The following ST6GAL2 variants were observed in gnomAD, a reference collection of about 807,000 sequenced individuals.
ST6GAL2 encodes ST6 beta-galactoside alpha-2,6-sialyltransferase 2, also known as beta-galactoside alpha-2,6-sialyltransferase 2.
In ST6GAL2, 24 loss-of-function variants were observed where a neutral mutation model predicts 37.5. The ratio of observed to expected loss-of-function variants is 0.64; its 90% CI spans 0.46 to 0.90. The LOEUF (loss-of-function observed/expected upper bound fraction) is 0.90. Ranked by LOEUF, ST6GAL2 falls within the 40% of genes least tolerant of loss-of-function variation. The pLI, the probability that ST6GAL2 is intolerant of heterozygous loss-of-function variation, is 0.00. For missense variants in ST6GAL2, 715 were observed against 712.7 expected, an observed-to-expected ratio of 1.00 and a Z score of -0.04; for synonymous variants, 306 against 295.1, an observed-to-expected ratio of 1.04 and a Z score of -0.38.
At chr2:106,813,800 C>G (rs1304706795) in intron 5 of ST6GAL2, among the ~76,000 whole-genome samples, 1 of 152,158 alleles carries the variant, frequency 6.6e-6, no homozygotes, top group Non-Finnish European at 1.5e-5. Flanking sequence ...GAACATAACT[C>G]ACACATGAAG....
At chr2:106,823,987 A>G (rs1226565249) in intron 5 of ST6GAL2, among the ~76,000 whole-genome samples, 1 of 152,176 alleles carries the variant, frequency 6.6e-6, no homozygotes, top group Non-Finnish European at 1.5e-5. Flanking sequence ...TAGAATTTCA[A>G]CATACAAATT....
intron 1 of ST6GAL2, among the ~76,000 whole-genome samples, chr2:106,868,630 CAG>C (rs1377287650): frequency 1.3e-5 from 2 of 152,182 alleles, no homozygotes; most frequent in African/African-American, 4.8e-5. Flanking sequence ...CTGCCGTTAT[CAG>C]AGACAGAGAT....
chr2:106,872,797 T>G (rs1207374331), intron 1 of ST6GAL2, among the ~76,000 whole-genome samples: 1 of 152,086 alleles, frequency 6.6e-6, no homozygotes, highest in Admixed American at 6.5e-5. Context: ...GAGACAAGGT[T>G]CCTTTTGTTT....
chr2:106,833,133 T>C (rs551347652), intron 3 of ST6GAL2, among the ~76,000 whole-genome samples: 1 of 152,218 alleles, frequency 6.6e-6, no homozygotes, highest in Admixed American at 6.5e-5. Context: ...ATCATCTTTT[T>C]AAAATTATTA....
At chr2:106,807,713 T>A (rs1675469128) in intron 5 of ST6GAL2, among the ~76,000 whole-genome samples, 1 of 148,432 alleles carries the variant, frequency 6.7e-6, no homozygotes, top group Non-Finnish European at 1.5e-5. Flanking sequence ...AAGCTCCCCC[T>A]TCCCCGATTC....
chr2:106,864,826 TGC>T (rs796771682), intron 1 of ST6GAL2, among the ~76,000 whole-genome samples: 28 of 152,350 alleles, frequency 1.8e-4, no homozygotes, highest in African/African-American at 6.3e-4. Flanking sequence ...TCTAATAGTC[TGC>T]AATAGCCACA....
At chr2:106,870,281 A>C (rs1282960076) in intron 1 of ST6GAL2, among the ~76,000 whole-genome samples, 2 of 152,296 alleles carry the variant, frequency 1.3e-5, no homozygotes, top group East Asian at 3.9e-4. Context: ...AAAATGAATA[A>C]AGATAGTTAT....
chr2:106,862,993 T>C (rs2104587138), intron 1 of ST6GAL2, among the ~76,000 whole-genome samples: 1 of 152,332 alleles, frequency 6.6e-6, no homozygotes, highest in Admixed American at 6.5e-5. Context: ...AATGTCTTTT[T>C]TTTTTTTCTA....
At position 106,830,165 on chromosome 2, in the gene ST6GAL2, A is replaced by G; in HGVS notation, c.1219T>C (p.Tyr407His). 1 of 1,614,008 alleles carries G rather than the reference A, an allele frequency of 6.2e-7. No individual in the cohort carries two copies. Among genetic ancestry groups the G allele is most frequent in the Non-Finnish European group, 8.5e-7 (1 of 1,179,960 alleles). ...CATATAAATTTAGGATGAAGAATGT[A>G]AAATGGCTGATTTGGGTTTCTCTGA... Reference protein sequence around the residue: ...HRQRNPNQPFYILHPKFIWQL... With the variant: ...HRQRNPNQPFHILHPKFIWQL... Residue 407 changes from tyrosine (Y) to histidine (H), a missense_variant, in exon 5 of 6, where the codon TAC becomes CAC. Around this residue, in one of 3 missense-constraint regions of ST6GAL2, gnomAD observed 198 missense variants for 203.6 expected, o/e 0.97. Transcript: ENST00000409382.
At chr2:106,879,859 A>C (rs1678674257) in intron 1 of ST6GAL2, among the ~76,000 whole-genome samples, 1 of 147,912 alleles carries the variant, frequency 6.8e-6, no homozygotes, top group African/African-American at 2.5e-5. Flanking sequence ...ATAAACTATA[A>C]TATATACATT....
At chr2:106,820,495 G>C (rs1031773842) in intron 5 of ST6GAL2, among the ~76,000 whole-genome samples, 10 of 152,020 alleles carry the variant, frequency 6.6e-5, no homozygotes, top group African/African-American at 1.9e-4. Flanking sequence ...AATATTACTA[G>C]AGCTAAAGAG....
chr2:106,806,449 T>C lies in ST6GAL2; in HGVS notation c.*229A>G. On this transcript the variant is annotated 3_prime_UTR_variant, in exon 6 of 6. Transcript: ENST00000409382. ...ACATGTGTTTTCTTTCTAGCTATCC[T>C]TGGTTTTGCATCTTTCTTGAGCCTT... 1.9e-6 allele frequency: 1 copy of C among 519,686 alleles called. No individual in the cohort carries two copies. The highest frequency in any genetic ancestry group is 3.4e-6 in the Non-Finnish European group (1 of 296,112). The allele number at this position is 519,686 out of a possible 1,614,324, so 32.2% of individuals were successfully genotyped here. A position where few individuals can be genotyped will look rare whatever the true frequency, so the allele number is the denominator to read the frequency against.
chr2:106,843,454 T>G lies in ST6GAL2; in HGVS notation c.524A>C (p.Lys175Thr). ...GCTCCTTCTCTGCCTCCGGTGCCTCTTCTTCACCCGCCTCCTCTGGACCTG... is the reference window on the plus strand; with the variant it reads ...GCTCCTTCTCTGCCTCCGGTGCCTCGTCTTCACCCGCCTCCTCTGGACCTG... ...AAQVQRRRVK[K>T]RHRRQRRSHV... is the part of the protein sequence containing the mutation. The change falls in exon 2 of 6, where the codon AAG becomes ACG. Residue 175 changes from lysine (K) to threonine (T), a missense_variant. Lys to Thr is a moderately conservative substitution (Grantham distance 78). Transcript: ENST00000409382. The G allele has an allele frequency of 6.2e-7, 1 of 1,614,110 alleles. No homozygotes were observed. Among genetic ancestry groups the G allele is most frequent in the Non-Finnish European group, 8.5e-7 (1 of 1,180,024 alleles).
upstream of ST6GAL2, chr2:106,886,879 G>A (rs1679023527): frequency 6.6e-6 from 1 of 152,014 alleles, no homozygotes; most frequent in South Asian, 2.1e-4. Context: ...TGCAGACTTG[G>A]GCTGCGTGGG....
In ST6GAL2 at chr2:106,806,846, G is replaced by C; in HGVS notation, c.1422C>G (p.Asp474Glu). 1 of 1,614,184 alleles carries C rather than the reference G, an allele frequency of 6.2e-7. No homozygotes were observed. The highest frequency in any genetic ancestry group is 8.5e-7 in the Non-Finnish European group (1 of 1,180,044). The change falls in exon 6 of 6, where the codon GAC becomes GAG. Residue 474 changes from aspartate to glutamate, a missense_variant. Physicochemically the swap from Asp to Glu is conservative, Grantham distance 45. Around this residue, in one of 3 missense-constraint regions of ST6GAL2, gnomAD observed 198 missense variants for 203.6 expected, o/e 0.97. Coordinates refer to ENST00000409382, the MANE Select transcript of ST6GAL2 (RefSeq NM_001142351.2). ...GGTACGCCCCGAGGGTGCAGGCTGCGTCGTAGTACAGCTCGTGGTAGTGGC... is the reference window on the plus strand; with the variant it reads ...GGTACGCCCCGAGGGTGCAGGCTGCCTCGTAGTACAGCTCGTGGTAGTGGC... ...ELCHYHELYY[D>E]AACTLGAYHP...
intron 5 of ST6GAL2, among the ~76,000 whole-genome samples, chr2:106,828,675 G>A (rs956244810): frequency 2.0e-5 from 3 of 152,054 alleles, no homozygotes; most frequent in Non-Finnish European, 4.4e-5. Context: ...TTATTCATGG[G>A]GAACTACTGT....
At chr2:106,842,553 C>G (rs898434099) in intron 2 of ST6GAL2, among the ~76,000 whole-genome samples, 1 of 152,210 alleles carries the variant, frequency 6.6e-6, no homozygotes, top group Non-Finnish European at 1.5e-5. Context: ...TTGGAGCTGA[C>G]GCCCTGATTG....
intron 1 of ST6GAL2, among the ~76,000 whole-genome samples, chr2:106,867,493 GGT>G (rs1159169994): frequency 6.6e-6 from 1 of 152,148 alleles, no homozygotes; most frequent in African/African-American, 2.4e-5. Context: ...TCTGTTACCC[GGT>G]GGTGCATCGG....
Position 106,843,084 on chromosome 2 carries a change from G to A in ST6GAL2, c.894C>T (p.Val298=), listed in dbSNP as rs767952843. 2.7e-6 allele frequency: 4 copies of A among 1,505,248 alleles called. No homozygotes were observed. The East Asian group carries it at 7.4e-5, about 28-fold the overall frequency. 93.2% of individuals were successfully genotyped at this position (1,505,248 alleles called of 1,614,324 possible). ...LHPRGLRSCA[V]VMSAGAILNS... Reference sequence around the variant, plus strand: ...TGAGGATTGCGCCTGCAGACATGACGACAGCGCAGCTGCGCAGGCCGCGGG... The same window carrying A: ...TGAGGATTGCGCCTGCAGACATGACAACAGCGCAGCTGCGCAGGCCGCGGG... Residue 298 remains valine, a synonymous_variant, in exon 2 of 6, where the codon GTC becomes GTT. Transcript: ENST00000409382.
Sources: gnomAD v4.1 joint callset for allele counts (sites outside exome capture counted in the v4.1 genomes callset) on GRCh38, gnomAD v4.1.1 for gene constraint, gnomAD v4.1.1 regional missense constraint, MANE v1.5 for transcripts, NCBI Gene and HGNC (gene_info 2026-07-23, HGNC 2026-07-21) for gene names.